Variants in FAXC observed in about 807,000 individuals in gnomAD.
FAXC encodes the protein failed axon connections homolog, metaxin like GST domain containing.
In FAXC, 10 loss-of-function variants were observed where a neutral mutation model predicts 41.9. The observed-to-expected ratio is 0.24, with a 90% CI of 0.15 to 0.41. The LOEUF is 0.41. FAXC is among the 10% of genes least tolerant of loss of function. The pLI, the probability that FAXC is intolerant of heterozygous loss-of-function variation, is 1.00. For missense variants in FAXC, 399 were observed against 510.9 expected, an observed-to-expected ratio of 0.78 and a Z score of 2.11; for synonymous variants, 183 against 183.8, an observed-to-expected ratio of 1.00 and a Z score of 0.03.
upstream of FAXC, chr6:99,350,039 C>A (rs1773757130): frequency 6.6e-6 from 1 of 152,286 alleles, no homozygotes; most frequent in African/African-American, 2.4e-5. Flanking sequence ...GAGCTGCGGG[C>A]AGGAGACGCC....
At chr6:99,336,693 G>T (rs1773227683) in intron 2 of FAXC, among the ~76,000 whole-genome samples, 1 of 152,096 alleles carries the variant, frequency 6.6e-6, no homozygotes, top group African/African-American at 2.4e-5. Flanking sequence ...AGTGACCCTG[G>T]ACCTCCCTGG....
At chr6:99,347,163 A>G (rs1773627493) in intron 1 of FAXC, among the ~76,000 whole-genome samples, 1 of 152,146 alleles carries the variant, frequency 6.6e-6, no homozygotes, top group Non-Finnish European at 1.5e-5. Flanking sequence ...GCAACTCAGC[A>G]GACTGAGGCC....
chr6:99,307,703 G>A (rs1771980858), intron 4 of FAXC, among the ~76,000 whole-genome samples: 1 of 152,124 alleles, frequency 6.6e-6, no homozygotes, highest in Non-Finnish European at 1.5e-5. Context: ...GCGGTTTAAT[G>A]GAAAGAGTGA....
chr6:99,295,719 G>C (rs1041618990), intron 4 of FAXC, among the ~76,000 whole-genome samples: 2 of 152,184 alleles, frequency 1.3e-5, no homozygotes, highest in African/African-American at 4.8e-5. Flanking sequence ...TCATATCAGG[G>C]AGCATATAAT....
At chr6:99,329,459 A>G (rs1772949795) in intron 3 of FAXC, among the ~76,000 whole-genome samples, 1 of 152,202 alleles carries the variant, frequency 6.6e-6, no homozygotes. Flanking sequence ...ATGACTGAGT[A>G]TCAACACCTG....
At chr6:99,333,310 G>A in intron 3 of FAXC, 41 bp downstream of exon 3, 2 of 1,497,628 alleles carry the variant, frequency 1.3e-6, no homozygotes, top group Non-Finnish European at 1.8e-6. Context: ...AGAACCTGGG[G>A]CTTACTTCGA....
At chr6:99,342,601 C>T (rs907215990) in intron 2 of FAXC, among the ~76,000 whole-genome samples, 1 of 152,198 alleles carries the variant, frequency 6.6e-6, no homozygotes, top group African/African-American at 2.4e-5. Flanking sequence ...GCCTTGGCCT[C>T]CCAAAGTGCT....
intron 3 of FAXC, among the ~76,000 whole-genome samples, chr6:99,329,747 ATT>A (rs916148412): frequency 3.2e-3 from 482 of 152,048 alleles, no homozygotes; most frequent in African/African-American, 0.011. Context: ...GGTTAAGTCA[ATT>A]TATGAAACTA....
chr6:99,349,992 G>C (rs1027120751), upstream of FAXC: 1 of 152,190 alleles, frequency 6.6e-6, no homozygotes, highest in African/African-American at 2.4e-5. Context: ...GCGGGCCCCA[G>C]AGTAGGGAAC....
At chr6:99,307,420 G>A (rs1459528051) in intron 4 of FAXC, among the ~76,000 whole-genome samples, 1 of 152,136 alleles carries the variant, frequency 6.6e-6, no homozygotes, top group Non-Finnish European at 1.5e-5. Context: ...ACTCCCAGAC[G>A]GATGAGGTGA....
rs1026722259 is a variant in FAXC, at chr6:99,279,387, C to T, written c.*1777G>A. 14 of 152,066 alleles carry T rather than the reference C, an allele frequency of 9.2e-5. No homozygotes were observed. Among genetic ancestry groups the T allele is most frequent in the South Asian group, 2.1e-4 (1 of 4,824 alleles). 9.4% of individuals were successfully genotyped at this position (152,066 alleles called of 1,614,324 possible). On this transcript the variant is annotated 3_prime_UTR_variant, in exon 6 of 6. Transcript: ENST00000389677. ...CTTAAGTGGTAAGCAGTCTGAAAAA[C>T]TCTCCTCCCTTTACCTCTTTGTGAA... is the stretch of plus-strand genomic sequence containing the variant.
At chr6:99,334,479 C>A in intron 2 of FAXC, 1 of 309,170 alleles carries the variant, frequency 3.2e-6, no homozygotes, top group African/African-American at 2.3e-5. Flanking sequence ...GAGCAACTTG[C>A]ACAACCACAT....
Position 99,277,948 on chromosome 6 carries a change from C to T in FAXC, c.*3216G>A, listed in dbSNP as rs562779879. On this transcript the variant is annotated 3_prime_UTR_variant, in exon 6 of 6. Transcript: ENST00000389677. The stretch of plus-strand genomic sequence containing the variant: ...CTATGACTCTACATTATCTCTCAAA[C>T]AAATCTAAGCAAGACCCACAAGGCC... 9 of 152,294 alleles carry T rather than the reference C, an allele frequency of 5.9e-5. No individual in the cohort carries two copies. Among genetic ancestry groups the T allele is most frequent in the Admixed American group, 5.9e-4 (9 of 15,292 alleles). The allele number at this position is 152,294 out of a possible 1,614,324, so 9.4% of individuals were successfully genotyped here. A position where few individuals can be genotyped will look rare whatever the true frequency, so the allele number is the denominator to read the frequency against.
chr6:99,326,070 C>T lies in FAXC; in HGVS notation c.600-2403G>A, dbSNP rs573246482. Among the ~76,000 whole-genome samples, 107 of 152,276 alleles carry T rather than the reference C, an allele frequency of 7.0e-4. 1 individual carries two copies. The highest frequency in any genetic ancestry group is 1.4e-3 in the Non-Finnish European group (92 of 68,018). ...TGCATTTGAGGAAGCCTGTAAGAGGCGAGGCTGGAGGCGCCGGCAAGGGCA... is the reference window on the plus strand; with the variant it reads ...TGCATTTGAGGAAGCCTGTAAGAGGTGAGGCTGGAGGCGCCGGCAAGGGCA... On this transcript the variant is annotated intron_variant, in intron 3 of 5. Coordinates refer to ENST00000389677, the MANE Select transcript of FAXC (RefSeq NM_032511.4).
chr6:99,330,615 T>C (rs1349162414), intron 3 of FAXC, among the ~76,000 whole-genome samples: 3 of 152,140 alleles, frequency 2.0e-5, no homozygotes, highest in Non-Finnish European at 4.4e-5. Context: ...GCCTGGGGTG[T>C]TTTTAAGGTT....
Position 99,320,834 on chromosome 6 carries a change from G to A in FAXC, c.823+2610C>T, listed in dbSNP as rs144800000. 1.9e-3 allele frequency among the ~76,000 whole-genome samples: 284 copies of A among 152,048 alleles called. 2 individuals are homozygous for A. The highest frequency in any genetic ancestry group is 1.9e-3 in the Non-Finnish European group (128 of 68,008). ...GCCAACACACTGCCGCCTCATCTAC[G>A]GCCCTCCCCAGTCCCCCCTGCTATT... On this transcript the variant is annotated intron_variant, in intron 4 of 5. Coordinates refer to ENST00000389677, the MANE Select transcript of FAXC (RefSeq NM_032511.4).
At chr6:99,339,603 G>T (rs1245983593) in intron 2 of FAXC, among the ~76,000 whole-genome samples, 1 of 152,186 alleles carries the variant, frequency 6.6e-6, no homozygotes, top group East Asian at 1.9e-4. Context: ...TAAAGGAAGA[G>T]ATTACTAATA....
At chr6:99,339,204 G>C (rs183924895) in intron 2 of FAXC, among the ~76,000 whole-genome samples, 1 of 152,252 alleles carries the variant, frequency 6.6e-6, no homozygotes, top group Non-Finnish European at 1.5e-5. Context: ...CCTCCCAGTT[G>C]GTCTGTTACA....
intron 2 of FAXC, 46 bp downstream of exon 2, chr6:99,342,852 C>T (rs1562187921): frequency 1.9e-6 from 3 of 1,550,158 alleles, no homozygotes; most frequent in Non-Finnish European, 2.6e-6. Context: ...ATACTCATCC[C>T]CTGATACTGA....
Sources: gnomAD v4.1 joint callset for allele counts (sites outside exome capture counted in the v4.1 genomes callset) on GRCh38, gnomAD v4.1.1 for gene constraint, MANE v1.5 for transcripts, NCBI Gene and HGNC (gene_info 2026-07-23, HGNC 2026-07-21) for gene names.